Variants in MED27 observed in about 807,000 individuals in gnomAD.
The protein encoded by MED27 is mediator of RNA polymerase II transcription subunit 27.
Under a neutral mutation model 38.2 loss-of-function variants are expected in MED27, and 30 were observed. That is an observed-to-expected ratio of 0.79 (90% CI 0.59 to 1.07). MED27 has a LOEUF of 1.07. Among genes scored for constraint, MED27 ranks in the 50% least tolerant of loss-of-function variants. The pLI is 0.00. For synonymous variants in MED27, 122 were observed against 153.5 expected, an observed-to-expected ratio of 0.79 and a Z score of 1.52; for missense variants, 289 against 397.5, an observed-to-expected ratio of 0.73 and a Z score of 2.32.
intron 3 of MED27, among the ~76,000 whole-genome samples, chr9:131,987,751 T>A (rs914093378): frequency 1.3e-5 from 2 of 151,022 alleles, no homozygotes; most frequent in African/African-American, 5.0e-5. Flanking sequence ...TGGGCAGTCA[T>A]GAAGAATTAT....
At chr9:131,892,821 A>G (rs1208624710) in intron 5 of MED27, among the ~76,000 whole-genome samples, 5 of 152,228 alleles carry the variant, frequency 3.3e-5, no homozygotes, top group Admixed American at 3.3e-4. Flanking sequence ...TGCTCCAAAG[A>G]CATTTGGTTT....
intron 6 of MED27, among the ~76,000 whole-genome samples, chr9:131,882,669 A>G (rs1589182223): frequency 6.6e-6 from 1 of 151,778 alleles, no homozygotes; most frequent in African/African-American, 2.4e-5. Context: ...CCTGCCTTCT[A>G]CCTCCACTTC....
chr9:131,907,600 C>T (rs376076623), intron 4 of MED27, among the ~76,000 whole-genome samples: 2 of 152,150 alleles, frequency 1.3e-5, no homozygotes, highest in Admixed American at 6.5e-5. Flanking sequence ...TGCCTTGGCC[C>T]CCCAAAGTGC....
At chr9:131,892,221 G>A (rs1457460044) in intron 5 of MED27, among the ~76,000 whole-genome samples, 1 of 152,246 alleles carries the variant, frequency 6.6e-6, no homozygotes, top group East Asian at 1.9e-4. Flanking sequence ...GAGCAGCTGA[G>A]GAGGGGCGAT....
chr9:132,015,069 C>T (rs1409857048), intron 2 of MED27, among the ~76,000 whole-genome samples: 1 of 152,198 alleles, frequency 6.6e-6, no homozygotes, highest in Non-Finnish European at 1.5e-5. Context: ...CCGCAGTACA[C>T]CATGACCACG....
At chr9:132,004,703 TTCC>T (rs1832318280) in intron 3 of MED27, among the ~76,000 whole-genome samples, 2 of 152,178 alleles carry the variant, frequency 1.3e-5, no homozygotes, top group Non-Finnish European at 2.9e-5. Context: ...TCTGTCCAAA[TTCC>T]ACCTGGTTCC....
rs375965590 is a variant in MED27 at position 131,924,483 on chromosome 9, G to A, written c.573+14898C>T. Among the ~76,000 whole-genome samples the A allele has an allele frequency of 3.7e-4, 56 of 152,066 alleles. 1 individual carries two copies. The South Asian group carries it at 8.7e-3, about 24-fold the overall frequency. ...AAATAATTTTAGGGATATTAGTCCT[G>A]TCTGTAATGTATGTTGCAAATATTT... On this transcript the variant is annotated intron_variant, in intron 4 of 7. Transcript: ENST00000292035.
intron 2 of MED27, among the ~76,000 whole-genome samples, chr9:132,042,241 C>A (rs1316429565): frequency 6.6e-6 from 1 of 152,178 alleles, no homozygotes; most frequent in Non-Finnish European, 1.5e-5. Context: ...CTACCGGCAG[C>A]TACAGTTATT....
chr9:131,903,134 C>A (rs1308711828), intron 4 of MED27, among the ~76,000 whole-genome samples: 1 of 152,156 alleles, frequency 6.6e-6, no homozygotes, highest in Admixed American at 6.5e-5. Flanking sequence ...CGACATTGGG[C>A]AATGTACAAA....
chr9:132,024,139 T>C (rs892117686), intron 2 of MED27, among the ~76,000 whole-genome samples: 3 of 152,200 alleles, frequency 2.0e-5, no homozygotes, highest in Admixed American at 6.5e-5. Flanking sequence ...TGAGTGATTC[T>C]GGGTGTTTTT....
Position 132,047,441 on chromosome 9 carries a change from G to GACACACACACACAC in MED27, c.348+29987_348+30000dup, listed in dbSNP as rs56144736. ...AAATGCTTCATTTCATAATGTTTTA[G>GACACACACACACAC]ACACACACACACACACACACACACA... On this transcript the variant is annotated intron_variant, in intron 2 of 7. Transcript: ENST00000292035. Among the ~76,000 whole-genome samples, 338 of 145,260 alleles carry GACACACACACACAC rather than the reference G, an allele frequency of 2.3e-3. 4 individuals carry two copies. Among genetic ancestry groups the GACACACACACACAC allele is most frequent in the African/African-American group, 5.9e-3 (230 of 39,222 alleles).
At position 131,881,087 on chromosome 9, in the gene MED27, G is replaced by A. The variant is rs115038344; in HGVS notation, c.723+2971C>T. ...AGGGAACTCATTGCAATACCACAGA[G>A]GACATGAAGATAAGGACCAGATTGA... On this transcript the variant is annotated intron_variant, in intron 6 of 7. Transcript: ENST00000292035. Among the ~76,000 whole-genome samples, 286 of 152,188 alleles carry A rather than the reference G, an allele frequency of 1.9e-3. 1 individual carries two copies. The highest frequency in any genetic ancestry group is 6.5e-3 in the African/African-American group (271 of 41,506).
chr9:132,053,350 C>T (rs80211471), intron 2 of MED27, among the ~76,000 whole-genome samples: 4,987 of 151,490 alleles, frequency 0.033, 266 homozygotes, highest in African/African-American at 0.11. Flanking sequence ...TAATGGGGTA[C>T]GGAGGTGCTA....
intron 3 of MED27, among the ~76,000 whole-genome samples, chr9:131,975,092 T>C (rs1168010996): frequency 1.3e-5 from 2 of 152,258 alleles, no homozygotes; most frequent in African/African-American, 4.8e-5. Context: ...AATTACTTTG[T>C]AGTCATTTGT....
intron 3 of MED27, among the ~76,000 whole-genome samples, chr9:132,009,723 A>G (rs1832439635): frequency 6.6e-6 from 1 of 152,254 alleles, no homozygotes; most frequent in African/African-American, 2.4e-5. Flanking sequence ...TAATCCACAG[A>G]AACTGTGAGA....
At position 131,889,671 on chromosome 9, in the gene MED27, G is replaced by T. The variant is rs1839197235; in HGVS notation, c.681+4214C>A. 6.6e-6 allele frequency among the ~76,000 whole-genome samples: 1 copy of T among 152,176 alleles called. No individual in the cohort carries two copies. Among genetic ancestry groups the T allele is most frequent in the Admixed American group, 6.5e-5 (1 of 15,280 alleles). On this transcript the variant is annotated intron_variant, in intron 5 of 7. Transcript: ENST00000292035. The surrounding 1 kb of genome is among the most constrained non-coding windows in gnomAD (Gnocchi z 4.2). ...AAAGTGCAAAGTGATAGCCTTGCTG[G>T]GCTGGATTCTGATGGGGAAAAAACC...
intron 3 of MED27, among the ~76,000 whole-genome samples, chr9:132,009,979 TGAGTA>T (rs1396402639): frequency 2.0e-5 from 3 of 152,238 alleles, no homozygotes; most frequent in African/African-American, 7.2e-5. Context: ...CTTTGTCAGA[TGAGTA>T]GATTGCAAAA....
At chr9:132,032,111 T>C (rs1025436602) in intron 2 of MED27, 5 of 152,106 alleles carry the variant, frequency 3.3e-5, no homozygotes, top group Non-Finnish European at 5.9e-5. Flanking sequence ...CTGCATGCCA[T>C]GGGAGCCTGG....
chr9:131,998,249 T>A (rs1462020925), intron 3 of MED27, among the ~76,000 whole-genome samples: 6 of 147,612 alleles, frequency 4.1e-5, no homozygotes, highest in Non-Finnish European at 8.9e-5. Flanking sequence ...AAAAGCATCA[T>A]CTTAAAAAAA....
Sources: allele counts gnomAD v4.1 joint callset (sites outside exome capture counted in the v4.1 genomes callset), GRCh38; gene constraint gnomAD v4.1.1; non-coding constraint Gnocchi (gnomAD v3.1); transcripts MANE v1.5; gene names NCBI Gene and HGNC (gene_info 2026-07-23, HGNC 2026-07-21).